STIMATE: variants seen among roughly 807,000 people sequenced by gnomAD.
STIMATE encodes STIM activating enhancer.
In STIMATE, 15 loss-of-function variants were observed where a neutral mutation model predicts 36.7. The ratio of observed to expected loss-of-function variants is 0.41; its 90% CI spans 0.27 to 0.63. The LOEUF is 0.63. Ranked by LOEUF, STIMATE falls within the 20% of genes least tolerant of loss-of-function variation. The probability of loss-of-function intolerance (pLI) is 0.32; values close to 1 mark genes in which losing one functional copy is unlikely to be tolerated. For synonymous variants in STIMATE, 163 were observed against 162.3 expected (o/e 1.00, Z -0.03); for missense variants, 305 against 397.3 (o/e 0.77, Z 1.98).
chr3:52,844,730 CA>C lies in STIMATE; in HGVS notation c.540+98del, dbSNP rs1700864336. Reference sequence around the variant, plus strand: ...GCAGGACACATTCATAGAGTTAAAACAAGTTTGGTTTTCCTAGAGTTGGCGT... The same window carrying C: ...GCAGGACACATTCATAGAGTTAAAACAGTTTGGTTTTCCTAGAGTTGGCGT... On this transcript the variant is annotated intron_variant, in intron 5 of 7. Coordinates refer to ENST00000355083, the MANE Select transcript of STIMATE (RefSeq NM_198563.5). 3 of 1,377,452 alleles carry C rather than the reference CA, an allele frequency of 2.2e-6. No homozygotes were observed. The African/African-American group carries it at 4.3e-5, about 20-fold the overall frequency. The allele number at this position is 1,377,452 out of a possible 1,614,324, so 85.3% of individuals were successfully genotyped here. A position where few individuals can be genotyped will look rare whatever the true frequency, so the allele number is the denominator to read the frequency against.
Position 52,855,297 on chromosome 3 carries a change from C to T in STIMATE, c.209+99G>A, listed in dbSNP as rs1701073375. ...TATATTATGTATCATTTCTCACATT[C>T]CATGCCCTCCCCACTCCAACACCAT... On this transcript the variant is annotated intron_variant, in intron 2 of 7. Coordinates refer to ENST00000355083, the MANE Select transcript of STIMATE (RefSeq NM_198563.5). 5 of 1,419,960 alleles carry T rather than the reference C, an allele frequency of 3.5e-6. No homozygotes were observed. In the Admixed American group the frequency reaches 1.1e-4, roughly 30 times the overall value. The allele number at this position is 1,419,960 out of a possible 1,614,324, so 88.0% of individuals were successfully genotyped here.
intron 1 of STIMATE, among the ~76,000 whole-genome samples, chr3:52,867,224 G>A (rs952148271): frequency 6.6e-6 from 1 of 152,198 alleles, no homozygotes; most frequent in Non-Finnish European, 1.5e-5. Flanking sequence ...TTAAATATTT[G>A]TATTGTTACA....
chr3:52,872,722 T>C (rs1296239689), intron 1 of STIMATE, among the ~76,000 whole-genome samples: 4 of 151,974 alleles, frequency 2.6e-5, no homozygotes, highest in African/African-American at 9.7e-5. Flanking sequence ...GCCTCCCGGG[T>C]TCAAGTGATT....
At chr3:52,843,155 T>A (rs1578797683) in intron 6 of STIMATE, 195 bp from the exon 7 acceptor site, 2 of 1,107,906 alleles carry the variant, frequency 1.8e-6, no homozygotes, top group Non-Finnish European at 2.5e-6. Context: ...GGTTCAGTTT[T>A]CTGATCAGAG....
At position 52,852,525 on chromosome 3, in the gene STIMATE, C is replaced by T. The variant is rs1701022347; in HGVS notation, c.305+78G>A. Reference sequence around the variant, plus strand: ...CTCCCCAAGCCAGAGGGAGCAGGACCAGCAGCAGAAAGCAAGGCCAGCCTA... The same window carrying T: ...CTCCCCAAGCCAGAGGGAGCAGGACTAGCAGCAGAAAGCAAGGCCAGCCTA... On this transcript the variant is annotated intron_variant, in intron 3 of 7. Transcript: ENST00000355083. The T allele has an allele frequency of 1.9e-6, 3 of 1,574,234 alleles. No individual in the cohort carries two copies. The African/African-American group carries it at 4.1e-5, about 21-fold the overall frequency.
intron 5 of STIMATE, 135 bp downstream of exon 5, chr3:52,844,694 T>C (rs1223597125): frequency 1.0e-6 from 1 of 958,920 alleles, no homozygotes; most frequent in Non-Finnish European, 1.5e-6. Context: ...AGTTGCCACA[T>C]CAGACCAAAT....
At chr3:52,881,991 CT>C (rs1701613203) in intron 1 of STIMATE, among the ~76,000 whole-genome samples, 1 of 152,220 alleles carries the variant, frequency 6.6e-6, no homozygotes, top group Admixed American at 6.5e-5. Flanking sequence ...TACTACAAAA[CT>C]TAATGGCCTA....
At chr3:52,869,613 C>A (rs1214598809) in intron 1 of STIMATE, among the ~76,000 whole-genome samples, 1 of 152,234 alleles carries the variant, frequency 6.6e-6, no homozygotes, top group African/African-American at 2.4e-5. Context: ...TACTAAGCAT[C>A]TGCCTGTCTC....
chr3:52,897,351 G>A lies in STIMATE; in HGVS notation c.100C>T (p.His34Tyr). The A allele has an allele frequency of 6.5e-7, 1 of 1,529,982 alleles. No homozygotes were observed. The highest frequency in any genetic ancestry group is 1.2e-5 in the South Asian group (1 of 84,024). The allele number at this position is 1,529,982 out of a possible 1,614,324, so 94.8% of individuals were successfully genotyped here. Residue 34 changes from histidine to tyrosine, a missense_variant, in exon 1 of 8, where the codon CAC becomes TAC. His to Tyr is a moderately conservative substitution (Grantham distance 83). Transcript: ENST00000355083. ...CCCTGCAGGAAGATGCCGAAGCTGT[G>A]CATGAGCGCGCCGCTCTCGCAGCGG... is the stretch of plus-strand genomic sequence containing the variant. ...AGRCESGALM[H>Y]SFGIFLQGLL...
chr3:52,865,955 C>T lies in STIMATE; in HGVS notation c.161-10511G>A, dbSNP rs150755676. ...CTTTACACGTTGTCTAACCTTCCTG[C>T]TCTCACCTACTGTACACATGGCTCC... is the stretch of plus-strand genomic sequence containing the variant. On this transcript the variant is annotated intron_variant, in intron 1 of 7. Transcript: ENST00000355083. Among the ~76,000 whole-genome samples the T allele has an allele frequency of 7.1e-3, 1,088 of 152,260 alleles. 113 individuals carry two copies. In the South Asian group the frequency reaches 0.2, roughly 28 times the overall value.
intron 1 of STIMATE, among the ~76,000 whole-genome samples, chr3:52,882,625 G>A (rs1300294502): frequency 6.6e-6 from 1 of 152,200 alleles, no homozygotes; most frequent in African/African-American, 2.4e-5. Context: ...GGCACTAGAA[G>A]TAGTCACCAC....
rs1306530737 is a variant in STIMATE at position 52,838,213 on chromosome 3, G to C, written c.*2281C>G. Reference sequence around the variant, plus strand: ...GTTCCCCAAACCCTCTGCTCACTGGGAAGTGGGCAAAGCCTTCAGATGAGA... The same window carrying C: ...GTTCCCCAAACCCTCTGCTCACTGGCAAGTGGGCAAAGCCTTCAGATGAGA... On this transcript the variant is annotated 3_prime_UTR_variant, in exon 8 of 8. Coordinates refer to ENST00000355083, the MANE Select transcript of STIMATE (RefSeq NM_198563.5). The C allele has an allele frequency of 6.6e-6, 1 of 152,190 alleles. No individual in the cohort carries two copies. Among genetic ancestry groups the C allele is most frequent in the Non-Finnish European group, 1.5e-5 (1 of 68,054 alleles). The allele number at this position is 152,190 out of a possible 1,614,324, so 9.4% of individuals were successfully genotyped here.
intron 6 of STIMATE, among the ~76,000 whole-genome samples, chr3:52,843,365 G>A (rs748295059): frequency 6.6e-6 from 1 of 152,076 alleles, no homozygotes; most frequent in Non-Finnish European, 1.5e-5. Context: ...GAGCCATTGT[G>A]CTCGGGAGTT....
At chr3:52,849,757 C>A (rs779972466) in intron 4 of STIMATE, 35 bp downstream of exon 4, 1 of 1,592,020 alleles carries the variant, frequency 6.3e-7, no homozygotes, top group East Asian at 2.3e-5. Flanking sequence ...TCCAGCAGTT[C>A]CCTCACGCCC....
chr3:52,880,024 G>C (rs925626827), intron 1 of STIMATE, among the ~76,000 whole-genome samples: 3 of 152,178 alleles, frequency 2.0e-5, no homozygotes, highest in African/African-American at 7.2e-5. Flanking sequence ...TAAAATTCTA[G>C]AAAGAACATA....
intron 1 of STIMATE, among the ~76,000 whole-genome samples, chr3:52,878,717 C>T (rs989835070): frequency 4.6e-5 from 7 of 152,214 alleles, no homozygotes; most frequent in African/African-American, 1.7e-4. Context: ...AGGGCACACA[C>T]CTACAACCAA....
intron 1 of STIMATE, among the ~76,000 whole-genome samples, chr3:52,859,079 T>C (rs987216264): frequency 6.6e-6 from 1 of 151,346 alleles, no homozygotes; most frequent in Non-Finnish European, 1.5e-5. Context: ...GGAGAATCAC[T>C]TGAACCTGGG....
chr3:52,888,557 T>C (rs1559499915), intron 1 of STIMATE, among the ~76,000 whole-genome samples: 1 of 152,228 alleles, frequency 6.6e-6, no homozygotes, highest in East Asian at 1.9e-4. Flanking sequence ...TAGGACAGTG[T>C]CTTATGCTCA....
At chr3:52,850,204 G>A (rs867716486) in intron 3 of STIMATE, among the ~76,000 whole-genome samples, 15 of 152,286 alleles carry the variant, frequency 9.8e-5, no homozygotes, top group Admixed American at 2.6e-4. Flanking sequence ...AGGCCGAGGC[G>A]GGTGGATCAC....
Sources: allele counts gnomAD v4.1 joint callset (sites outside exome capture counted in the v4.1 genomes callset), GRCh38; gene constraint gnomAD v4.1.1; transcripts MANE v1.5; gene names NCBI Gene and HGNC (gene_info 2026-07-23, HGNC 2026-07-21).